Variants in PTPRD observed in about 807,000 individuals in gnomAD.
PTPRD encodes the protein receptor-type tyrosine-protein phosphatase delta.
Under a neutral mutation model 214.5 loss-of-function variants are expected in PTPRD, and 34 were observed. The observed-to-expected ratio is 0.16, with a 90% CI of 0.12 to 0.21. The LOEUF is 0.21. PTPRD is among the 10% of genes least tolerant of loss of function. PTPRD has a pLI of 1.00. For missense variants in PTPRD, 2,545 were observed against 2,398.7 expected, an observed-to-expected ratio of 1.06 and a Z score of -1.27; for synonymous variants, 1,128 against 845.7, an observed-to-expected ratio of 1.33 and a Z score of -5.79.
chr9:8,573,633 C>T (rs2091714164), intron 14 of PTPRD, among the ~76,000 whole-genome samples: 1 of 151,900 alleles, frequency 6.6e-6, no homozygotes, highest in Admixed American at 6.6e-5. Context: ...CTAATGTTCA[C>T]AAGCCTGCCT....
At chr9:9,073,635 C>A (rs901046492) in intron 10 of PTPRD, among the ~76,000 whole-genome samples, 2 of 152,154 alleles carry the variant, frequency 1.3e-5, no homozygotes, top group African/African-American at 2.4e-5. Flanking sequence ...TAGTTTCGAG[C>A]CTTCAGATGC....
chr9:8,319,979 C>G lies in PTPRD; in HGVS notation c.5535-13G>C, dbSNP rs1339648965. On this transcript the variant is annotated splice_polypyrimidine_tract_variant and intron_variant, in intron 44 of 45. Transcript: ENST00000381196. ...TCCAACGCCCGCGCTGCCACAATAA[C>G]AAAGGCGATGTTACTGGGTGAGATG... 1 of 1,610,588 alleles carries G rather than the reference C, an allele frequency of 6.2e-7. No individual in the cohort carries two copies. The highest frequency in any genetic ancestry group is 8.5e-7 in the Non-Finnish European group (1 of 1,178,500).
intron 2 of PTPRD, among the ~76,000 whole-genome samples, chr9:10,342,210 A>AG (rs2096954453): frequency 6.6e-6 from 1 of 152,046 alleles, no homozygotes; most frequent in African/African-American, 2.4e-5. Context: ...CCACATCATG[A>AG]GTGCGCCCTT....
At chr9:10,017,709 T>G (rs913396604) in intron 4 of PTPRD, among the ~76,000 whole-genome samples, 6 of 152,154 alleles carry the variant, frequency 3.9e-5, no homozygotes, top group Admixed American at 3.9e-4. Context: ...CTTTCTGGAA[T>G]CTGTATTCTG....
In PTPRD at chr9:9,898,969, G is replaced by C. The variant is rs185819175; in HGVS notation, c.-368+39538C>G. On this transcript the variant is annotated intron_variant, in intron 5 of 45. Coordinates refer to ENST00000381196, the MANE Select transcript of PTPRD (RefSeq NM_002839.4). ...AAGCTGTCTTTATTCATGGATTCAT[G>C]ATTATCTACATAACAAATCCCCAAA... is the stretch of plus-strand genomic sequence containing the variant. 7.9e-5 allele frequency among the ~76,000 whole-genome samples: 12 copies of C among 152,086 alleles called. No individual in the cohort carries two copies. The East Asian group carries it at 1.9e-3, about 25-fold the overall frequency.
chr9:10,131,295 C>T (rs145396201), intron 3 of PTPRD, among the ~76,000 whole-genome samples: 2 of 152,174 alleles, frequency 1.3e-5, no homozygotes, highest in South Asian at 2.1e-4. Flanking sequence ...ACACTAGATA[C>T]CATAGTGTAA....
At chr9:10,599,917 G>T (rs1210932834) in intron 2 of PTPRD, among the ~76,000 whole-genome samples, 1 of 151,680 alleles carries the variant, frequency 6.6e-6, no homozygotes, top group Non-Finnish European at 1.5e-5. Context: ...CTGACTCAAA[G>T]AAGCAGTCTC....
intron 11 of PTPRD, among the ~76,000 whole-genome samples, chr9:8,922,030 C>A (rs895134340): frequency 4.0e-5 from 6 of 150,666 alleles, no homozygotes; most frequent in Non-Finnish European, 7.4e-5. Context: ...AGTTATTACG[C>A]TAGTGAGAAG....
intron 3 of PTPRD, among the ~76,000 whole-genome samples, chr9:10,284,332 T>C (rs886519562): frequency 2.6e-5 from 4 of 152,310 alleles, no homozygotes; most frequent in East Asian, 1.9e-4. Context: ...AAGCCAATAG[T>C]ATTCATATAC....
chr9:10,141,315 CT>C (rs1241502278), intron 3 of PTPRD, among the ~76,000 whole-genome samples: 1 of 152,102 alleles, frequency 6.6e-6, no homozygotes, highest in African/African-American at 2.4e-5. Flanking sequence ...CAAATTGTCC[CT>C]TTTTGCAGAC....
chr9:9,828,303 A>T (rs2053644378), intron 5 of PTPRD, among the ~76,000 whole-genome samples: 1 of 152,206 alleles, frequency 6.6e-6, no homozygotes, highest in South Asian at 2.1e-4. Flanking sequence ...GCACATATAC[A>T]TCATGGAATA....
At chr9:9,490,297 G>T (rs1272093055) in intron 8 of PTPRD, among the ~76,000 whole-genome samples, 1 of 151,986 alleles carries the variant, frequency 6.6e-6, no homozygotes, top group Non-Finnish European at 1.5e-5. Flanking sequence ...CAACACAATA[G>T]CTAGAAGCTA....
At chr9:10,446,771 A>C (rs1437426627) in intron 2 of PTPRD, among the ~76,000 whole-genome samples, 1 of 152,140 alleles carries the variant, frequency 6.6e-6, no homozygotes, top group Admixed American at 6.5e-5. Flanking sequence ...AAATTGTTTC[A>C]ATATTACGGG....
chr9:8,962,065 T>G (rs948823620), intron 11 of PTPRD: 1 of 152,116 alleles, frequency 6.6e-6, no homozygotes, highest in African/African-American at 2.4e-5. Context: ...TCTTTTACAT[T>G]GGAGCATGTA....
At chr9:10,515,894 G>C (rs1589868714) in intron 2 of PTPRD, among the ~76,000 whole-genome samples, 1 of 151,776 alleles carries the variant, frequency 6.6e-6, no homozygotes, top group Non-Finnish European at 1.5e-5. Flanking sequence ...CATCCATGTT[G>C]TCACATATGG....
At chr9:9,415,744 T>G (rs1410085360) in intron 8 of PTPRD, among the ~76,000 whole-genome samples, 1 of 152,180 alleles carries the variant, frequency 6.6e-6, no homozygotes, top group Non-Finnish European at 1.5e-5. Flanking sequence ...AATCTGTTCT[T>G]TAATAGAGAC....
intron 10 of PTPRD, among the ~76,000 whole-genome samples, chr9:9,102,569 C>T (rs958102629): frequency 6.6e-6 from 1 of 152,196 alleles, no homozygotes; most frequent in Admixed American, 6.5e-5. Flanking sequence ...AACTCGCCCT[C>T]GCATTGAATT....
intron 6 of PTPRD, among the ~76,000 whole-genome samples, chr9:9,760,398 T>A (rs1316879746): frequency 6.6e-6 from 1 of 152,122 alleles, no homozygotes; most frequent in Non-Finnish European, 1.5e-5. Flanking sequence ...AACATTATTC[T>A]GAATTTCAAG....
At chr9:10,306,542 T>C (rs982090544) in intron 3 of PTPRD, among the ~76,000 whole-genome samples, 2 of 152,082 alleles carry the variant, frequency 1.3e-5, no homozygotes, top group Non-Finnish European at 2.9e-5. Context: ...ATACAATATA[T>C]AGAAACTAAG....
Sources: gnomAD v4.1 joint callset for allele counts (sites outside exome capture counted in the v4.1 genomes callset) on GRCh38, gnomAD v4.1.1 for gene constraint, MANE v1.5 for transcripts, NCBI Gene and HGNC (gene_info 2026-07-23, HGNC 2026-07-21) for gene names.